Variants in RAP1GDS1 observed in about 807,000 individuals in gnomAD.
RAP1GDS1 encodes the protein Rap1 GTPase-GDP dissociation stimulator 1.
In RAP1GDS1, 35 loss-of-function variants were observed where a neutral mutation model predicts 71.1. The ratio of observed to expected loss-of-function variants is 0.49; its 90% CI spans 0.38 to 0.65. The LOEUF (loss-of-function observed/expected upper bound fraction) is 0.65. Ranked by LOEUF, RAP1GDS1 falls within the 30% of genes least tolerant of loss-of-function variation. RAP1GDS1 has a pLI of 0.00. For missense variants in RAP1GDS1, 663 were observed against 706.1 expected (o/e 0.94, Z 0.69); for synonymous variants, 229 against 243.1 (o/e 0.94, Z 0.54).
At chr4:98,317,259 T>C (rs1731071709) in intron 2 of RAP1GDS1, among the ~76,000 whole-genome samples, 2 of 152,198 alleles carry the variant, frequency 1.3e-5, no homozygotes, top group African/African-American at 4.8e-5. Context: ...AGGATTTTTA[T>C]AATTTCAGCA....
At chr4:98,383,898 G>A (rs1742360868) in intron 5 of RAP1GDS1, among the ~76,000 whole-genome samples, 1 of 151,484 alleles carries the variant, frequency 6.6e-6, no homozygotes, top group Non-Finnish European at 1.5e-5. Flanking sequence ...TTTCCTAGAT[G>A]TGTTAGATGT....
chr4:98,342,453 T>G (rs527456927), intron 2 of RAP1GDS1, among the ~76,000 whole-genome samples: 20 of 152,222 alleles, frequency 1.3e-4, no homozygotes, highest in South Asian at 8.3e-4. Context: ...ATTCTTTCAG[T>G]AACATACATG....
intron 1 of RAP1GDS1, among the ~76,000 whole-genome samples, chr4:98,286,589 T>C (rs1364270192): frequency 1.3e-5 from 2 of 151,944 alleles, no homozygotes; most frequent in Non-Finnish European, 2.9e-5. Flanking sequence ...TTAATTCCAT[T>C]TAAGAATGAA....
In RAP1GDS1 at chr4:98,293,490, T is replaced by C. The variant is rs929249122; in HGVS notation, c.87T>C (p.Cys29=). ...TEDSLEGCLD[C]LLQALAQNNT... ...ATAGTTTAGAAGGATGCTTGGATTG[T>C]CTGCTTCAAGCCCTGGCTCAAAATA... The change falls in exon 2 of 15, where the codon TGT becomes TGC. Residue 29 remains cysteine, a synonymous_variant. Coordinates refer to ENST00000408927, the MANE Select transcript of RAP1GDS1 (RefSeq NM_001100427.2). 6 of 1,608,174 alleles carry C rather than the reference T, an allele frequency of 3.7e-6. No homozygotes were observed. Among genetic ancestry groups the C allele is most frequent in the African/African-American group, 1.3e-5 (1 of 74,614 alleles).
At chr4:98,342,051 T>G (rs1735572328) in intron 2 of RAP1GDS1, among the ~76,000 whole-genome samples, 1 of 152,192 alleles carries the variant, frequency 6.6e-6, no homozygotes, top group Non-Finnish European at 1.5e-5. Flanking sequence ...GTTTCTAGTC[T>G]TCATTCCCCA....
chr4:98,319,778 C>CAAAAAAA (rs35696332), intron 2 of RAP1GDS1, among the ~76,000 whole-genome samples: 4 of 79,226 alleles, frequency 5.0e-5, no homozygotes, highest in Non-Finnish European at 1.1e-4. Flanking sequence ...GAGAATGTCT[C>CAAAAAAA]AAAAAAAAAA....
chr4:98,384,771 A>AAAAAT (rs1461809001), intron 5 of RAP1GDS1, among the ~76,000 whole-genome samples: 3 of 151,694 alleles, frequency 2.0e-5, no homozygotes, highest in Admixed American at 6.6e-5. Flanking sequence ...TTTATCTTAG[A>AAAAAT]AAAATAAAAT....
intron 2 of RAP1GDS1, among the ~76,000 whole-genome samples, chr4:98,303,226 T>G (rs1728828440): frequency 6.6e-6 from 1 of 152,080 alleles, no homozygotes; most frequent in South Asian, 2.1e-4. Flanking sequence ...GATAGAAGAA[T>G]CAAGGGAATA....
At chr4:98,334,336 A>C (rs933777296) in intron 2 of RAP1GDS1, among the ~76,000 whole-genome samples, 1 of 151,988 alleles carries the variant, frequency 6.6e-6, no homozygotes, top group African/African-American at 2.4e-5. Flanking sequence ...CCCTTCCCCC[A>C]CCTTTGACTC....
intron 2 of RAP1GDS1, among the ~76,000 whole-genome samples, chr4:98,323,143 C>T (rs1732273323): frequency 6.7e-6 from 1 of 148,780 alleles, no homozygotes; most frequent in South Asian, 2.1e-4. Context: ...ACTACAAACA[C>T]CTCTATGCAA....
chr4:98,319,519 A>G (rs10012125), intron 2 of RAP1GDS1, among the ~76,000 whole-genome samples: 21,133 of 151,840 alleles, frequency 0.14, 2,109 homozygotes, highest in African/African-American at 0.28. Context: ...GGTGGCTCAC[A>G]CCTGTAATCC....
At chr4:98,358,970 C>CAT (rs1205375423) in intron 4 of RAP1GDS1, among the ~76,000 whole-genome samples, 1 of 151,820 alleles carries the variant, frequency 6.6e-6, no homozygotes, top group Non-Finnish European at 1.5e-5. Flanking sequence ...ATCCAGAAAG[C>CAT]ATATATATTC....
At chr4:98,415,025 G>T (rs1025432727) in intron 7 of RAP1GDS1, among the ~76,000 whole-genome samples, 9 of 152,082 alleles carry the variant, frequency 5.9e-5, no homozygotes, top group African/African-American at 2.2e-4. Context: ...TTTGTCTGTT[G>T]TTGGTGTATA....
At chr4:98,353,440 T>C (rs900508481) in intron 4 of RAP1GDS1, among the ~76,000 whole-genome samples, 1 of 152,180 alleles carries the variant, frequency 6.6e-6, no homozygotes, top group Non-Finnish European at 1.5e-5. Flanking sequence ...ACAAAAGATA[T>C]GGCCCTTTTA....
At chr4:98,441,844 C>G in intron 14 of RAP1GDS1, 146 bp from the exon 15 acceptor site, 1 of 854,830 alleles carries the variant, frequency 1.2e-6, no homozygotes, top group Non-Finnish European at 1.6e-6. Context: ...CTAAGAAAGA[C>G]ATTGCTAGGC....
intron 1 of RAP1GDS1, among the ~76,000 whole-genome samples, chr4:98,283,783 T>C (rs1725558513): frequency 6.6e-6 from 1 of 152,070 alleles, no homozygotes; most frequent in South Asian, 2.1e-4. Context: ...CTTGAGATAC[T>C]GTGGCAGACT....
At chr4:98,383,772 T>G (rs1742339701) in intron 5 of RAP1GDS1, among the ~76,000 whole-genome samples, 1 of 151,614 alleles carries the variant, frequency 6.6e-6, no homozygotes, top group South Asian at 2.1e-4. Context: ...CTACTTTCAG[T>G]CAATAGCAAC....
At chr4:98,285,920 T>C (rs1047624689) in intron 1 of RAP1GDS1, among the ~76,000 whole-genome samples, 1 of 147,906 alleles carries the variant, frequency 6.8e-6, no homozygotes, top group Non-Finnish European at 1.5e-5. Context: ...ATTTATAATA[T>C]TTATTTATAA....
chr4:98,436,263 C>G (rs758244652), intron 13 of RAP1GDS1, among the ~76,000 whole-genome samples: 7 of 152,068 alleles, frequency 4.6e-5, no homozygotes, highest in Non-Finnish European at 8.8e-5. Context: ...ATTTCTGGGT[C>G]TTCCATTCAG....
Sources: gnomAD v4.1 joint callset for allele counts (sites outside exome capture counted in the v4.1 genomes callset) on GRCh38, gnomAD v4.1.1 for gene constraint, MANE v1.5 for transcripts, NCBI Gene and HGNC (gene_info 2026-07-23, HGNC 2026-07-21) for gene names.